The following SLC24A3 variants were observed in gnomAD, a reference collection of about 807,000 sequenced individuals.
The protein encoded by SLC24A3 is solute carrier family 24 member 3, also known as sodium/potassium/calcium exchanger 3.
In SLC24A3, 28 loss-of-function variants were observed where a neutral mutation model predicts 75.8. The ratio of observed to expected loss-of-function variants is 0.37; its 90% CI spans 0.27 to 0.51. SLC24A3 has a LOEUF of 0.51. SLC24A3 is among the 20% of genes least tolerant of loss of function. The pLI is 0.94. For synonymous variants in SLC24A3, 372 were observed against 334.1 expected, an observed-to-expected ratio of 1.11 and a Z score of -1.24; for missense variants, 663 against 847.8, an observed-to-expected ratio of 0.78 and a Z score of 2.71.
At chr20:19,644,889 GA>G (rs112522323) in intron 6 of SLC24A3, among the ~76,000 whole-genome samples, 13 of 150,758 alleles carry the variant, frequency 8.6e-5, no homozygotes, top group African/African-American at 2.7e-4. Context: ...GCATAAATGA[GA>G]AAAAAAAATA....
chr20:19,613,594 G>A (rs777722270), intron 6 of SLC24A3, among the ~76,000 whole-genome samples: 6 of 152,114 alleles, frequency 3.9e-5, no homozygotes, highest in East Asian at 1.9e-4. Flanking sequence ...ATTCCTGGGC[G>A]TCACTTCCAC....
At chr20:19,325,284 A>T (rs894754868) in intron 2 of SLC24A3, among the ~76,000 whole-genome samples, 1 of 150,794 alleles carries the variant, frequency 6.6e-6, no homozygotes, top group Non-Finnish European at 1.5e-5. Flanking sequence ...AATAATAATA[A>T]TATTAATAAT....
At chr20:19,680,140 CTCTGTGTGTG>C (rs1168014248) in intron 9 of SLC24A3, among the ~76,000 whole-genome samples, 251 of 145,088 alleles carry the variant, frequency 1.7e-3, no homozygotes, top group Middle Eastern at 4.0e-3. Context: ...CTGTGTGTGT[CTCTGTGTGTG>C]TCTGTGTGTG....
chr20:19,687,676 T>C (rs2032693890), intron 12 of SLC24A3, among the ~76,000 whole-genome samples: 1 of 152,168 alleles, frequency 6.6e-6, no homozygotes, highest in Non-Finnish European at 1.5e-5. Flanking sequence ...CAGGGGACAA[T>C]GAAAGATGTG....
chr20:19,448,724 T>C (rs752340019), intron 2 of SLC24A3, among the ~76,000 whole-genome samples: 7 of 152,228 alleles, frequency 4.6e-5, no homozygotes, highest in Non-Finnish European at 8.8e-5. Flanking sequence ...CTGACATCCC[T>C]GTTTTCCCCT....
chr20:19,336,875 C>T (rs1372663072), intron 2 of SLC24A3, among the ~76,000 whole-genome samples: 3 of 152,014 alleles, frequency 2.0e-5, no homozygotes, highest in South Asian at 2.1e-4. Flanking sequence ...AAAATGTACA[C>T]GAACATGCTA....
intron 2 of SLC24A3, among the ~76,000 whole-genome samples, chr20:19,472,291 G>T (rs1424475895): frequency 6.6e-6 from 1 of 152,230 alleles, no homozygotes; most frequent in Admixed American, 6.5e-5. Flanking sequence ...TGCATGGGTG[G>T]TCAACTCTAG....
At position 19,220,087 on chromosome 20, in the gene SLC24A3, G is replaced by A. The variant is rs142528516; in HGVS notation, c.142+7103G>A. Among the ~76,000 whole-genome samples the A allele has an allele frequency of 5.3e-4, 80 of 152,342 alleles. 1 individual carries two copies. In the East Asian group the frequency reaches 7.9e-3, roughly 15 times the overall value. ...CATCCATGGACCATGGAGCATGTTG[G>A]TCATGACCTTTTCATGTTTAGTTGC... On this transcript the variant is annotated intron_variant, in intron 1 of 16. Coordinates refer to ENST00000328041, the MANE Select transcript of SLC24A3 (RefSeq NM_020689.4).
intron 2 of SLC24A3, among the ~76,000 whole-genome samples, chr20:19,406,888 A>G (rs1173325796): frequency 6.6e-6 from 1 of 152,298 alleles, no homozygotes; most frequent in East Asian, 1.9e-4. Context: ...AGTTTCCAAG[A>G]CACAAGTGTA....
chr20:19,714,488 G>A (rs1389237331), intron 15 of SLC24A3, among the ~76,000 whole-genome samples: 1 of 151,964 alleles, frequency 6.6e-6, no homozygotes, highest in Non-Finnish European at 1.5e-5. Flanking sequence ...CAGCAGCTGG[G>A]AGATGTTTGA....
chr20:19,717,417 G>A (rs1356562401), intron 15 of SLC24A3, 111 bp from the exon 16 acceptor site: 85 of 966,410 alleles, frequency 8.8e-5, no homozygotes, highest in Non-Finnish European at 1.0e-4. Flanking sequence ...CTAGAGGGGA[G>A]ATGTGGAATC....
chr20:19,214,177 C>T (rs1251601532), intron 1 of SLC24A3, among the ~76,000 whole-genome samples: 3 of 152,116 alleles, frequency 2.0e-5, no homozygotes, highest in Non-Finnish European at 4.4e-5. Flanking sequence ...CTTAGCAGAC[C>T]GCTTGACAGA....
chr20:19,380,171 G>GACCTCT, intron 2 of SLC24A3, among the ~76,000 whole-genome samples: 1 of 152,290 alleles, frequency 6.6e-6, no homozygotes, highest in East Asian at 1.9e-4. Flanking sequence ...GGTCAGGAGA[G>GACCTCT]GTTTTGCAGA....
At chr20:19,372,640 T>A (rs1256883970) in intron 2 of SLC24A3, among the ~76,000 whole-genome samples, 1 of 152,106 alleles carries the variant, frequency 6.6e-6, no homozygotes, top group African/African-American at 2.4e-5. Flanking sequence ...TTCCTATGTG[T>A]TTACTAAGAA....
At position 19,503,156 on chromosome 20, in the gene SLC24A3, A is replaced by G. The variant is rs1241610170; in HGVS notation, c.272-12332A>G. 2.0e-5 allele frequency among the ~76,000 whole-genome samples: 3 copies of G among 152,120 alleles called. No individual in the cohort carries two copies. The East Asian group carries it at 5.8e-4, about 29-fold the overall frequency. ...AAGGCAGCACAGTGCCCTTCCTAAG[A>G]TACCTCTCATGTCATCAGTTTCTGT... On this transcript the variant is annotated intron_variant, in intron 2 of 16. Coordinates refer to ENST00000328041, the MANE Select transcript of SLC24A3 (RefSeq NM_020689.4).
intron 6 of SLC24A3, among the ~76,000 whole-genome samples, chr20:19,633,421 G>A (rs1416816854): frequency 6.6e-6 from 1 of 152,032 alleles, no homozygotes; most frequent in Non-Finnish European, 1.5e-5. Flanking sequence ...AGGCCGAGGC[G>A]GGCGGATCAC....
intron 1 of SLC24A3, 78 bp from the exon 2 acceptor site, chr20:19,280,880 AG>A: frequency 2.0e-6 from 3 of 1,521,262 alleles, no homozygotes; most frequent in Non-Finnish European, 2.7e-6. Context: ...ATGGCTGATC[AG>A]GGCAGCGGGC....
intron 6 of SLC24A3, among the ~76,000 whole-genome samples, chr20:19,600,367 C>CA (rs1303441493): frequency 6.6e-6 from 1 of 152,094 alleles, no homozygotes; most frequent in African/African-American, 2.4e-5. Context: ...TAAATGCCAT[C>CA]AAAAAAGTCA....
chr20:19,281,689 C>A (rs552234485), intron 2 of SLC24A3, among the ~76,000 whole-genome samples: 5 of 152,118 alleles, frequency 3.3e-5, no homozygotes, highest in African/African-American at 4.8e-5. Context: ...GCCCACCAAG[C>A]CTCAGGGACG....
Sources: allele counts gnomAD v4.1 joint callset (sites outside exome capture counted in the v4.1 genomes callset), GRCh38; gene constraint gnomAD v4.1.1; transcripts MANE v1.5; gene names NCBI Gene and HGNC (gene_info 2026-07-23, HGNC 2026-07-21).